The following ANK2 variants were observed in gnomAD, a reference collection of about 807,000 sequenced individuals.
ANK2 encodes the protein ankyrin 2, also known as ankyrin-2.
A neutral mutation model predicts 360.5 loss-of-function variants in ANK2; 83 were observed. The ratio of observed to expected loss-of-function variants is 0.23; its 90% CI spans 0.19 to 0.28. ANK2 has a LOEUF of 0.28. ANK2 is among the 10% of genes least tolerant of loss of function. The pLI, the probability that ANK2 is intolerant of heterozygous loss-of-function variation, is 1.00. For synonymous variants in ANK2, 1,740 were observed against 1,759.5 expected, an observed-to-expected ratio of 0.99 and a Z score of 0.28; for missense variants, 4,201 against 4,795.7, an observed-to-expected ratio of 0.88 and a Z score of 3.66.
intron 2 of ANK2, among the ~76,000 whole-genome samples, chr4:112,991,453 G>A (rs2046763215): frequency 6.6e-6 from 1 of 152,000 alleles, no homozygotes; most frequent in African/African-American, 2.4e-5. Context: ...ATTCAAACTG[G>A]CAGTGTCTTT....
rs552638247 is a variant in ANK2, at chr4:112,904,596, G to T, written c.21+82G>T. On this transcript the variant is annotated intron_variant, in intron 2 of 30. Coordinates refer to the ANK2 transcript ENST00000503271. ...TTAGAATGTAATTAAGTACTATTTT[G>T]GTAAAAACAATTTTTATGAAAACAG... 8 of 1,067,588 alleles carry T rather than the reference G, an allele frequency of 7.5e-6. No homozygotes were observed. The Admixed American group carries it at 2.6e-4, about 35-fold the overall frequency. 66.1% of individuals were successfully genotyped at this position (1,067,588 alleles called of 1,614,324 possible).
At chr4:113,086,638 GCAAA>G (rs1380736558) in intron 1 of ANK2, among the ~76,000 whole-genome samples, 5 of 152,020 alleles carry the variant, frequency 3.3e-5, no homozygotes, top group East Asian at 3.8e-4. Context: ...AAGCAAGCAA[GCAAA>G]CAAACAAACA....
chr4:113,294,793 T>C (rs1587479997), intron 22 of ANK2, among the ~76,000 whole-genome samples: 1 of 152,224 alleles, frequency 6.6e-6, no homozygotes, highest in South Asian at 2.1e-4. Context: ...ATAAATTATA[T>C]AGGAGAAAAA....
chr4:112,964,237 A>T (rs1039136142), intron 2 of ANK2, among the ~76,000 whole-genome samples: 5 of 151,162 alleles, frequency 3.3e-5, no homozygotes, highest in Admixed American at 2.7e-4. Flanking sequence ...GTCACAAACA[A>T]TCCAAATATA....
chr4:113,187,800 C>A (rs985442092), intron 2 of ANK2, among the ~76,000 whole-genome samples: 2 of 152,134 alleles, frequency 1.3e-5, no homozygotes, highest in African/African-American at 4.8e-5. Flanking sequence ...TAATAGATAT[C>A]CAATTAATAT....
chr4:113,145,278 G>A (rs1485396125), intron 1 of ANK2, among the ~76,000 whole-genome samples: 2 of 151,826 alleles, frequency 1.3e-5, no homozygotes, highest in African/African-American at 4.9e-5. Context: ...TAACAATAAT[G>A]AGAAAGAGTA....
At chr4:112,843,457 G>A (rs534450439) in intron 1 of ANK2, among the ~76,000 whole-genome samples, 3 of 152,300 alleles carry the variant, frequency 2.0e-5, no homozygotes, top group South Asian at 2.1e-4. Context: ...GCCCAGCAAT[G>A]TTAGGAGGTG....
At chr4:113,037,431 A>G (rs1218795078) in intron 2 of ANK2, among the ~76,000 whole-genome samples, 3 of 151,934 alleles carry the variant, frequency 2.0e-5, no homozygotes, top group African/African-American at 7.2e-5. Context: ...TAAATGTATT[A>G]TTATTGTTAT....
In ANK2 at chr4:113,354,624, C is replaced by T. The variant is rs2095629318; in HGVS notation, c.6006C>T (p.Asp2002=). 6.2e-7 allele frequency: 1 copy of T among 1,613,908 alleles called. No individual in the cohort carries two copies. The highest frequency in any genetic ancestry group is 8.5e-7 in the Non-Finnish European group (1 of 1,179,996). ...ELMKAFQSGQ[D]PSKHKTGLFE... ...TGAAGGCTTTCCAGTCAGGTCAGGA[C>T]CCTTCTAAACATAAAACTGGACTCT... Residue 2002 remains aspartate (D), a synonymous_variant, in exon 38 of 46, where the codon GAC becomes GAT. Coordinates refer to ENST00000357077, the MANE Select transcript of ANK2 (RefSeq NM_001148.6).
chr4:113,038,096 C>CT (rs996894006), intron 2 of ANK2, among the ~76,000 whole-genome samples: 5 of 151,470 alleles, frequency 3.3e-5, no homozygotes, highest in Non-Finnish European at 5.9e-5. Flanking sequence ...TTTTAATTAT[C>CT]TTTTTTTTGT....
rs60958127 is a variant in ANK2, at chr4:113,233,694, A to G, written c.483+1435A>G. On this transcript the variant is annotated intron_variant, in intron 5 of 45. Transcript: ENST00000357077. ...AAAACTTTTTATGGAGCCAATTGCA[A>G]CAAGTTTCTGACAGCTTATTCTCGT... Among the ~76,000 whole-genome samples, 874 of 152,264 alleles carry G rather than the reference A, an allele frequency of 5.7e-3. 8 individuals are homozygous for G. Among genetic ancestry groups the G allele is most frequent in the African/African-American group, 0.02 (824 of 41,536 alleles).
chr4:113,186,347 T>C lies in ANK2; in HGVS notation c.187-10021T>C, dbSNP rs146637507. Among the ~76,000 whole-genome samples, 7 of 152,028 alleles carry C rather than the reference T, an allele frequency of 4.6e-5. No individual in the cohort carries two copies. In the East Asian group the frequency reaches 1.4e-3, roughly 29 times the overall value. ...AGGAAAACTAACAAACAGAAAGGAA[T>C]AGCATCAACATCAACAAAAAGGACG... On this transcript the variant is annotated intron_variant, in intron 2 of 45. Transcript: ENST00000357077.
chr4:112,865,821 A>G (rs536884843), intron 1 of ANK2, among the ~76,000 whole-genome samples: 111 of 152,348 alleles, frequency 7.3e-4, no homozygotes, highest in African/African-American at 2.6e-3. Context: ...ATAAAGATCT[A>G]TTTTTGGTAA....
chr4:113,146,821 A>G (rs1440560857), intron 1 of ANK2, among the ~76,000 whole-genome samples: 2 of 152,186 alleles, frequency 1.3e-5, no homozygotes, highest in African/African-American at 4.8e-5. Flanking sequence ...AGCTGGTTGC[A>G]TGGTTTGGCT....
chr4:112,709,186 A>G, the ANK2 span, among the ~76,000 whole-genome samples: 1 of 152,090 alleles, frequency 6.6e-6, no homozygotes, highest in Non-Finnish European at 1.5e-5. Flanking sequence ...TGTGTTTTAT[A>G]TACAGGATAA....
chr4:112,854,105 G>A (rs2065732900), intron 1 of ANK2, among the ~76,000 whole-genome samples: 1 of 152,144 alleles, frequency 6.6e-6, no homozygotes, highest in African/African-American at 2.4e-5. Context: ...GGAGGAATGG[G>A]GACCCAAGGG....
At chr4:113,302,636 C>T (rs540574153) in intron 22 of ANK2, 131 bp from the exon 23 acceptor site, 18 of 726,944 alleles carry the variant, frequency 2.5e-5, no homozygotes, top group Non-Finnish European at 3.7e-5. Flanking sequence ...AAAATATACA[C>T]GCGGGAAAGA....
Position 112,990,329 on chromosome 4 carries a change from G to A in ANK2, c.21+85815G>A, listed in dbSNP as rs183259773. On this transcript the variant is annotated intron_variant, in intron 2 of 30. Transcript: ENST00000503271. ...GAGCTAAAACAATAACTTGGAGTCCGTTAAAAGGCTGACATGATCAGAGTC... is the reference window on the plus strand; with the variant it reads ...GAGCTAAAACAATAACTTGGAGTCCATTAAAAGGCTGACATGATCAGAGTC... 1.1e-4 allele frequency among the ~76,000 whole-genome samples: 17 copies of A among 152,226 alleles called. No individual in the cohort carries two copies. The East Asian group carries it at 2.3e-3, about 21-fold the overall frequency.
intron 1 of ANK2, among the ~76,000 whole-genome samples, chr4:113,079,998 A>C (rs2154346404): frequency 6.6e-6 from 1 of 150,566 alleles, no homozygotes; most frequent in African/African-American, 2.4e-5. Context: ...TCCCGGGTTT[A>C]AGGGATTCTT....
Sources: gnomAD v4.1 joint callset for allele counts (sites outside exome capture counted in the v4.1 genomes callset) on GRCh38, gnomAD v4.1.1 for gene constraint, MANE v1.5 for transcripts, NCBI Gene and HGNC (gene_info 2026-07-23, HGNC 2026-07-21) for gene names.